The following HECW1 variants were observed in gnomAD, a reference collection of about 807,000 sequenced individuals.
HECW1 encodes HECT, C2 and WW domain containing E3 ubiquitin protein ligase 1.
A neutral mutation model predicts 182.3 loss-of-function variants in HECW1; 61 were observed. That is an observed-to-expected ratio of 0.33 (90% CI 0.27 to 0.41). HECW1 has a LOEUF of 0.41. Among genes scored for constraint, HECW1 ranks in the 10% least tolerant of loss-of-function variants. The pLI is 1.00. For missense variants in HECW1, 1,739 were observed against 2,108.9 expected (o/e 0.82, Z 3.44); for synonymous variants, 859 against 832.6 (o/e 1.03, Z -0.55).
At chr7:43,225,566 A>G (rs1048893051) in intron 2 of HECW1, among the ~76,000 whole-genome samples, 1 of 152,224 alleles carries the variant, frequency 6.6e-6, no homozygotes, top group Non-Finnish European at 1.5e-5. Context: ...ATATTATAGA[A>G]AGATTAAACC....
intron 2 of HECW1, among the ~76,000 whole-genome samples, chr7:43,233,503 A>T (rs73690276): frequency 6.6e-6 from 1 of 152,196 alleles, no homozygotes; most frequent in Non-Finnish European, 1.5e-5. Context: ...GTGGTGGTGC[A>T]GTCCATTTAG....
intron 5 of HECW1, 31 bp downstream of exon 5, chr7:43,320,773 C>A: frequency 6.7e-7 from 1 of 1,491,456 alleles, no homozygotes; most frequent in Non-Finnish European, 9.4e-7. Context: ...TGTGGCTTGG[C>A]AGACATGGAT....
At chr7:43,530,389 T>G (rs1033972602) in intron 24 of HECW1, among the ~76,000 whole-genome samples, 2 of 152,024 alleles carry the variant, frequency 1.3e-5, no homozygotes, top group Admixed American at 6.6e-5. Flanking sequence ...ATAAACATAG[T>G]TTTATCACAT....
At chr7:43,298,044 G>A (rs1003310944) in intron 3 of HECW1, among the ~76,000 whole-genome samples, 2 of 152,186 alleles carry the variant, frequency 1.3e-5, no homozygotes, top group African/African-American at 4.8e-5. Flanking sequence ...CTGAACTCCA[G>A]CCAGGGTGAC....
intron 16 of HECW1, among the ~76,000 whole-genome samples, chr7:43,469,820 C>A (rs1479502246): frequency 6.6e-6 from 1 of 152,222 alleles, no homozygotes; most frequent in Non-Finnish European, 1.5e-5. Context: ...ATCCCTCCCT[C>A]TTTATGGTCC....
chr7:43,374,930 G>A (rs952272461), intron 6 of HECW1, among the ~76,000 whole-genome samples: 2 of 151,788 alleles, frequency 1.3e-5, no homozygotes, highest in Non-Finnish European at 2.9e-5. Context: ...ATATATGTAG[G>A]TTCATAGTAG....
intron 24 of HECW1, among the ~76,000 whole-genome samples, chr7:43,529,953 A>AT (rs1467970096): frequency 3.4e-5 from 5 of 145,042 alleles, no homozygotes; most frequent in Non-Finnish European, 7.9e-5. Flanking sequence ...TTTTATTTTT[A>AT]TTTATTTTTT....
At chr7:43,392,555 A>G (rs529305492) in intron 6 of HECW1, among the ~76,000 whole-genome samples, 17 of 152,298 alleles carry the variant, frequency 1.1e-4, no homozygotes, top group African/African-American at 4.1e-4. Context: ...TTTTGGGTAA[A>G]ATGATGTTCC....
chr7:43,425,311 T>C (rs2076326803), intron 8 of HECW1, among the ~76,000 whole-genome samples: 1 of 142,522 alleles, frequency 7.0e-6, no homozygotes, highest in Non-Finnish European at 1.5e-5. Flanking sequence ...AGATGATAGA[T>C]AGATAGATAG....
intron 2 of HECW1, among the ~76,000 whole-genome samples, chr7:43,221,775 G>A (rs1227519759): frequency 2.0e-5 from 3 of 151,776 alleles, no homozygotes; most frequent in African/African-American, 4.8e-5. Context: ...GGATGGTGTC[G>A]ATCTCGCAAT....
At chr7:43,499,678 AT>A (rs1268648149) in intron 19 of HECW1, among the ~76,000 whole-genome samples, 1 of 152,144 alleles carries the variant, frequency 6.6e-6, no homozygotes, top group Non-Finnish European at 1.5e-5. Context: ...AATTTTCCCT[AT>A]TTCTGCTGCA....
At chr7:43,483,776 T>C (rs2078525590) in intron 17 of HECW1, among the ~76,000 whole-genome samples, 1 of 152,068 alleles carries the variant, frequency 6.6e-6, no homozygotes, top group Non-Finnish European at 1.5e-5. Flanking sequence ...CTCGAACTCT[T>C]GACCTCAAGT....
intron 7 of HECW1, among the ~76,000 whole-genome samples, chr7:43,403,662 A>G (rs1210173355): frequency 6.6e-6 from 1 of 152,116 alleles, no homozygotes; most frequent in Admixed American, 6.5e-5. Context: ...CTCACATATA[A>G]TGGGGTGATA....
In HECW1 at chr7:43,340,860, G is replaced by A. The variant is rs540052987; in HGVS notation, c.461-20026G>A. ...TGCTACTATAAAGACACATGCACAC[G>A]TATGTTTATTGTGGCAATACTCACA... On this transcript the variant is annotated intron_variant, in intron 5 of 29. Coordinates refer to ENST00000395891, the MANE Select transcript of HECW1 (RefSeq NM_015052.5). 7.2e-5 allele frequency among the ~76,000 whole-genome samples: 11 copies of A among 151,754 alleles called. No homozygotes were observed. The South Asian group carries it at 1.4e-3, about 20-fold the overall frequency.
chr7:43,420,902 A>T (rs1261241260), intron 8 of HECW1, among the ~76,000 whole-genome samples: 1 of 152,212 alleles, frequency 6.6e-6, no homozygotes, highest in African/African-American at 2.4e-5. Flanking sequence ...TATCCTAATC[A>T]AAATCCTGGG....
intron 5 of HECW1, among the ~76,000 whole-genome samples, chr7:43,354,308 G>A (rs939226060): frequency 4.6e-5 from 7 of 151,976 alleles, no homozygotes; most frequent in Admixed American, 3.9e-4. Flanking sequence ...CCTCAAGTGG[G>A]CAAAGAAAGG....
chr7:43,559,372 C>A (rs1299417345), intron 29 of HECW1, among the ~76,000 whole-genome samples: 1 of 152,138 alleles, frequency 6.6e-6, no homozygotes, highest in Non-Finnish European at 1.5e-5. Context: ...CAGTAGGTCA[C>A]GTGCAAAACT....
intron 16 of HECW1, among the ~76,000 whole-genome samples, chr7:43,473,693 G>A (rs1343518689): frequency 2.0e-5 from 3 of 152,048 alleles, no homozygotes; most frequent in African/African-American, 7.2e-5. Flanking sequence ...TGCTAGTTGG[G>A]CTCAAGGGGA....
At chr7:43,181,151 C>T (rs1457544266) in intron 2 of HECW1, among the ~76,000 whole-genome samples, 1 of 150,800 alleles carries the variant, frequency 6.6e-6, no homozygotes, top group Non-Finnish European at 1.5e-5. Context: ...CCTCCAGGTT[C>T]ATCCATGTTG....
Sources: allele counts gnomAD v4.1 joint callset (sites outside exome capture counted in the v4.1 genomes callset), GRCh38; gene constraint gnomAD v4.1.1; transcripts MANE v1.5; gene names NCBI Gene and HGNC (gene_info 2026-07-23, HGNC 2026-07-21).